CRTAC1: variants seen among roughly 807,000 people sequenced by gnomAD.
The protein encoded by CRTAC1 is acidic secreted protein in cartilage.
Under a neutral mutation model 67.8 loss-of-function variants are expected in CRTAC1, and 37 were observed. The observed-to-expected ratio is 0.55, with a 90% CI of 0.42 to 0.72. CRTAC1 has a LOEUF of 0.72. CRTAC1 is among the 30% of genes least tolerant of loss of function. The pLI, the probability that CRTAC1 is intolerant of heterozygous loss-of-function variation, is 0.00. For missense variants in CRTAC1, 780 were observed against 931.6 expected, an observed-to-expected ratio of 0.84 and a Z score of 2.12; for synonymous variants, 348 against 371.0, an observed-to-expected ratio of 0.94 and a Z score of 0.71.
intron 1 of CRTAC1, among the ~76,000 whole-genome samples, chr10:98,015,439 A>C (rs1462824352): frequency 6.6e-6 from 1 of 152,212 alleles, no homozygotes; most frequent in Non-Finnish European, 1.5e-5. Context: ...TGATGGTTGT[A>C]CAACAATGTT....
chr10:97,923,154 A>G (rs2050864422), intron 4 of CRTAC1, 110 bp downstream of exon 4: 1 of 1,296,496 alleles, frequency 7.7e-7, no homozygotes, highest in African/African-American at 1.5e-5. Flanking sequence ...CACCCAATCT[A>G]TCCAAGACAC....
At chr10:98,021,232 C>T (rs192671048) in intron 1 of CRTAC1, among the ~76,000 whole-genome samples, 3 of 152,140 alleles carry the variant, frequency 2.0e-5, no homozygotes, top group South Asian at 4.1e-4. Flanking sequence ...CTACAACTCC[C>T]TACCCCCCAG....
At chr10:97,953,020 G>C (rs2051383979) in intron 2 of CRTAC1, among the ~76,000 whole-genome samples, 1 of 152,084 alleles carries the variant, frequency 6.6e-6, no homozygotes, top group South Asian at 2.1e-4. Context: ...TCATTCTCTT[G>C]AGCCTATGCC....
rs1182631925 is a variant in CRTAC1 at position 97,880,111 on chromosome 10, A to G, written c.1819+138T>C. On this transcript the variant is annotated intron_variant, in intron 14 of 14. Coordinates refer to ENST00000370597, the MANE Select transcript of CRTAC1 (RefSeq NM_018058.7). ...GCCTCTGTCATGGTCTTCCCTGGAGACCCAATATGGGTCAAAGGAGACTCT... is the reference window on the plus strand; with the variant it reads ...GCCTCTGTCATGGTCTTCCCTGGAGGCCCAATATGGGTCAAAGGAGACTCT... The G allele has an allele frequency of 3.0e-6, 3 of 1,003,962 alleles. No individual in the cohort carries two copies. In the East Asian group the frequency reaches 7.2e-5, roughly 24 times the overall value. 62.2% of individuals were successfully genotyped at this position (1,003,962 alleles called of 1,614,324 possible).
intron 2 of CRTAC1, among the ~76,000 whole-genome samples, chr10:98,000,705 T>C (rs1208583182): frequency 6.6e-6 from 1 of 152,134 alleles, no homozygotes; most frequent in African/African-American, 2.4e-5. Flanking sequence ...ACCCCAGAGA[T>C]CCTGAAACGC....
intron 2 of CRTAC1, among the ~76,000 whole-genome samples, chr10:97,942,881 AC>A: frequency 6.6e-6 from 1 of 152,070 alleles, no homozygotes; most frequent in Non-Finnish European, 1.5e-5. Context: ...AGCCTGGGCA[AC>A]ATAGTGACAC....
chr10:97,901,759 C>G, intron 7 of CRTAC1, 120 bp from the exon 8 acceptor site: 1 of 1,247,030 alleles, frequency 8.0e-7, no homozygotes, highest in Non-Finnish European at 1.1e-6. Flanking sequence ...AAAAGCTCCT[C>G]TCCTGCCTCC....
chr10:97,908,102 G>A lies in CRTAC1; in HGVS notation c.761C>T (p.Ser254Leu), dbSNP rs779772858. The A allele has an allele frequency of 5.6e-6, 9 of 1,614,030 alleles. No homozygotes were observed. The highest frequency in any genetic ancestry group is 2.2e-5 in the East Asian group (1 of 44,888). Residue 254 changes from serine (S) to leucine (L), a missense_variant, in exon 6 of 15, where the codon TCG (serine) becomes TTG (leucine). By Grantham distance (145) the Ser-to-Leu change is moderately radical. Transcript: ENST00000370597. ...SVGPILSSSA[S>L]DIFCDNENGP... ...ATTCTCATTGTCGCAGAAGATATCC[G>A]AGGCACTGCTGCTGAGGATGGGGCC...
chr10:97,999,847 G>T (rs1842653960), intron 2 of CRTAC1, among the ~76,000 whole-genome samples: 1 of 152,194 alleles, frequency 6.6e-6, no homozygotes, highest in African/African-American at 2.4e-5. Flanking sequence ...CTGCAAAGAG[G>T]AGCTATCCAC....
chr10:97,899,842 C>G (rs979718111), intron 8 of CRTAC1, among the ~76,000 whole-genome samples: 1 of 152,186 alleles, frequency 6.6e-6, no homozygotes, highest in South Asian at 2.1e-4. Flanking sequence ...CTCCTTTCCC[C>G]ACCTGGTCCT....
intron 5 of CRTAC1, among the ~76,000 whole-genome samples, chr10:97,909,636 A>G (rs1208538227): frequency 6.6e-6 from 1 of 152,202 alleles, no homozygotes; most frequent in African/African-American, 2.4e-5. Flanking sequence ...ATTATAAAAA[A>G]CAGTATAAGG....
chr10:97,941,919 CT>C (rs1486038825), intron 2 of CRTAC1, among the ~76,000 whole-genome samples: 1 of 152,194 alleles, frequency 6.6e-6, no homozygotes, highest in Non-Finnish European at 1.5e-5. Context: ...GCATGGTCTG[CT>C]CCCCTACCTC....
At chr10:97,941,575 A>C (rs943701169) in intron 2 of CRTAC1, among the ~76,000 whole-genome samples, 10 of 152,174 alleles carry the variant, frequency 6.6e-5, no homozygotes, top group African/African-American at 2.4e-4. Context: ...CCTCCCACAA[A>C]GGAGCACCCA....
chr10:97,969,797 C>T (rs1004161157), intron 2 of CRTAC1, among the ~76,000 whole-genome samples: 5 of 152,096 alleles, frequency 3.3e-5, no homozygotes, highest in African/African-American at 7.2e-5. Flanking sequence ...TGGTTGCTGA[C>T]GCTGGAGGCA....
rs142546456 is a variant in CRTAC1 at position 97,865,004 on chromosome 10, G to A, written c.*544C>T. 3.1e-3 allele frequency: 480 copies of A among 152,684 alleles called. 3 individuals are homozygous for A. The highest frequency in any genetic ancestry group is 0.011 in the African/African-American group (467 of 41,570). The allele number at this position is 152,684 out of a possible 1,614,324, so 9.5% of individuals were successfully genotyped here. A position where few individuals can be genotyped will look rare whatever the true frequency, so the allele number is the denominator to read the frequency against. On this transcript the variant is annotated 3_prime_UTR_variant, in exon 15 of 15. Coordinates refer to ENST00000370597, the MANE Select transcript of CRTAC1 (RefSeq NM_018058.7). ...AAAAACCACAAACACCCAGAATCAC[G>A]TGTTGACAAAGCCCAGTGAGAGGCA...
At chr10:97,937,704 C>T (rs1564903160) in intron 2 of CRTAC1, among the ~76,000 whole-genome samples, 1 of 152,166 alleles carries the variant, frequency 6.6e-6, no homozygotes, top group South Asian at 2.1e-4. Context: ...AAGGGCCCTG[C>T]AGGAAGTCGG....
intron 2 of CRTAC1, among the ~76,000 whole-genome samples, chr10:97,972,611 T>G (rs1334680940): frequency 1.3e-5 from 2 of 152,202 alleles, no homozygotes; most frequent in African/African-American, 2.4e-5. Context: ...ATAAAAAAGT[T>G]TATGCAGTGT....
At chr10:97,876,283 G>C (rs34627269) in intron 14 of CRTAC1, among the ~76,000 whole-genome samples, 5,057 of 152,222 alleles carry the variant, frequency 0.033, 274 homozygotes, top group African/African-American at 0.11. Flanking sequence ...ATCTGTAAAC[G>C]TGGGATAATT....
rs557168784 is a variant in CRTAC1, at chr10:97,911,972, C to T, written c.716-3825G>A. 2.4e-4 allele frequency among the ~76,000 whole-genome samples: 36 copies of T among 152,284 alleles called. No homozygotes were observed. The East Asian group carries it at 4.8e-3, about 20-fold the overall frequency. On this transcript the variant is annotated intron_variant, in intron 5 of 14. Transcript: ENST00000370597. ...ATAATTTGAGGCCAGCGCATTCTCT[C>T]GGAGCTGGAGAGGCAGTGCTGGTTG...
Sources: gnomAD v4.1 joint callset for allele counts (sites outside exome capture counted in the v4.1 genomes callset) on GRCh38, gnomAD v4.1.1 for gene constraint, MANE v1.5 for transcripts, NCBI Gene and HGNC (gene_info 2026-07-23, HGNC 2026-07-21) for gene names.